SEPTIN14: variants seen among roughly 807,000 people sequenced by gnomAD.
The protein encoded by SEPTIN14 is septin-14.
Under a neutral mutation model 53.6 loss-of-function variants are expected in SEPTIN14, and 40 were observed. The ratio of observed to expected loss-of-function variants is 0.75; its 90% CI spans 0.58 to 0.97. The LOEUF (loss-of-function observed/expected upper bound fraction) is 0.97. SEPTIN14 is among the 50% of genes least tolerant of loss of function. The pLI is 0.00. For synonymous variants in SEPTIN14, 138 were observed against 166.8 expected (o/e 0.83, Z 1.33); for missense variants, 471 against 508.2 (o/e 0.93, Z 0.70).
At chr7:55,834,886 C>T (rs1290665271) in intron 5 of SEPTIN14, among the ~76,000 whole-genome samples, 1 of 152,096 alleles carries the variant, frequency 6.6e-6, no homozygotes, top group African/African-American at 2.4e-5. Flanking sequence ...ACCTCGTGAT[C>T]CGCCTGCCCC....
At position 55,805,291 on chromosome 7, in the gene SEPTIN14, C is replaced by T; in HGVS notation, c.1086G>A (p.Glu362=). 1 of 1,612,372 alleles carries T rather than the reference C, an allele frequency of 6.2e-7. No individual in the cohort carries two copies. The highest frequency in any genetic ancestry group is 1.3e-5 in the African/African-American group (1 of 74,964). The change falls in exon 9 of 10, where the codon GAG becomes GAA. Residue 362 remains glutamate (E), a synonymous_variant. Transcript: ENST00000388975. ...CAGCTTCTTTAAATGTTGCTTCTTT[C>T]TCCTTGACTCGCTGCATAAATCTCT... is the stretch of plus-strand genomic sequence containing the variant. ...LKQRFMQRVK[E]KEATFKEAEK...
intron 7 of SEPTIN14, among the ~76,000 whole-genome samples, chr7:55,809,412 A>G (rs866513612): frequency 3.9e-4 from 58 of 148,520 alleles, no homozygotes; most frequent in African/African-American, 1.4e-3. Flanking sequence ...CTGGAGTGCA[A>G]TGGCACGATC....
intron 7 of SEPTIN14, among the ~76,000 whole-genome samples, chr7:55,809,207 TA>T (rs1788655675): frequency 6.6e-6 from 1 of 151,484 alleles, no homozygotes; most frequent in African/African-American, 2.4e-5. Flanking sequence ...AGGAGATAAA[TA>T]TTGAGAACAC....
intron 6 of SEPTIN14, among the ~76,000 whole-genome samples, chr7:55,826,937 GC>G (rs1788999251): frequency 6.6e-6 from 1 of 152,122 alleles, no homozygotes; most frequent in African/African-American, 2.4e-5. Flanking sequence ...TTCTGCAGTT[GC>G]CTGAGCATTC....
intron 5 of SEPTIN14, among the ~76,000 whole-genome samples, chr7:55,838,158 T>C (rs1416151279): frequency 6.6e-6 from 1 of 152,222 alleles, no homozygotes; most frequent in Non-Finnish European, 1.5e-5. Flanking sequence ...TTTTGAGATT[T>C]TGCTGAAGCC....
At chr7:55,827,395 T>C (rs1789007814) in intron 6 of SEPTIN14, among the ~76,000 whole-genome samples, 1 of 152,206 alleles carries the variant, frequency 6.6e-6, no homozygotes, top group African/African-American at 2.4e-5. Context: ...TCAATGGCTC[T>C]TGGCTACGTT....
chr7:55,826,194 T>C (rs1405219039), intron 6 of SEPTIN14, among the ~76,000 whole-genome samples: 1 of 152,216 alleles, frequency 6.6e-6, no homozygotes, highest in African/African-American at 2.4e-5. Flanking sequence ...CATGTAGATC[T>C]ACTCTTTTAC....
chr7:55,819,153 C>T lies in SEPTIN14; in HGVS notation c.791G>A (p.Arg264His), dbSNP rs756494333. 29 of 1,585,022 alleles carry T rather than the reference C, an allele frequency of 1.8e-5. No homozygotes were observed. Among genetic ancestry groups the T allele is most frequent in the Non-Finnish European group, 2.3e-5 (27 of 1,164,380 alleles). Reference protein sequence around the residue: ...VKVGKRMVRGRHYPWGVLQVE... With the variant: ...VKVGKRMVRGHHYPWGVLQVE... The stretch of plus-strand genomic sequence containing the variant: ...TTGCAAAACTCCCCAAGGGTAGTGA[C>T]GGCCTCTGACCATCCTTTTTCCAAC... Residue 264 changes from arginine (R) to histidine (H), a missense_variant, in exon 7 of 10, where the codon CGT becomes CAT. Transcript: ENST00000388975.
At chr7:55,846,434 T>A in intron 3 of SEPTIN14, 83 bp downstream of exon 3, 1 of 913,706 alleles carries the variant, frequency 1.1e-6, no homozygotes, top group Non-Finnish European at 1.6e-6. Context: ...ATTAATAGCA[T>A]CAATGTTACA....
At chr7:55,802,663 A>G (rs940794728) in intron 9 of SEPTIN14, among the ~76,000 whole-genome samples, 1 of 152,166 alleles carries the variant, frequency 6.6e-6, no homozygotes, top group South Asian at 2.1e-4. Context: ...AAAATTAGGG[A>G]TAAGTTCCTT....
intron 6 of SEPTIN14, among the ~76,000 whole-genome samples, chr7:55,832,757 G>A (rs199624698): frequency 6.6e-6 from 1 of 152,096 alleles, no homozygotes; most frequent in East Asian, 1.9e-4. Context: ...GAGAGACTGG[G>A]AGGAGGCCGA....
chr7:55,810,603 C>T (rs1274953976), intron 7 of SEPTIN14, among the ~76,000 whole-genome samples: 2 of 151,638 alleles, frequency 1.3e-5, no homozygotes, highest in African/African-American at 2.4e-5. Flanking sequence ...GCCTCCCTCC[C>T]GAGTAGCTGG....
chr7:55,801,032 T>A (rs1280536102), intron 9 of SEPTIN14, among the ~76,000 whole-genome samples: 1 of 151,978 alleles, frequency 6.6e-6, no homozygotes, highest in Non-Finnish European at 1.5e-5. Flanking sequence ...AAAAACAACA[T>A]ATCAATAGTT....
At chr7:55,825,732 C>T (rs996863538) in intron 6 of SEPTIN14, among the ~76,000 whole-genome samples, 3 of 151,740 alleles carry the variant, frequency 2.0e-5, no homozygotes, top group African/African-American at 4.8e-5. Flanking sequence ...TTTGGGAGGC[C>T]GAGGCGGTTG....
At chr7:55,828,851 G>A (rs1320528190) in intron 6 of SEPTIN14, among the ~76,000 whole-genome samples, 2 of 152,116 alleles carry the variant, frequency 1.3e-5, no homozygotes, top group Admixed American at 1.3e-4. Context: ...CTCGTATCTG[G>A]ATGTGTACCT....
chr7:55,861,541 A>G (rs1282738910), intron 2 of SEPTIN14, among the ~76,000 whole-genome samples: 4 of 152,118 alleles, frequency 2.6e-5, no homozygotes, highest in African/African-American at 9.6e-5. Flanking sequence ...CACACTCAGT[A>G]AAGCAATCAG....
chr7:55,819,511 C>T (rs1788857221), intron 6 of SEPTIN14, among the ~76,000 whole-genome samples: 1 of 152,078 alleles, frequency 6.6e-6, no homozygotes, highest in African/African-American at 2.4e-5. Context: ...ATGGCGTGAA[C>T]CCGGAAGGTG....
chr7:55,830,425 C>T (rs1185965230), intron 6 of SEPTIN14, among the ~76,000 whole-genome samples: 1 of 144,416 alleles, frequency 6.9e-6, no homozygotes, highest in Non-Finnish European at 1.5e-5. Context: ...CCGCTCACTG[C>T]AAGCTCCGCC....
intron 7 of SEPTIN14, among the ~76,000 whole-genome samples, chr7:55,816,756 C>G (rs1426908786): frequency 6.6e-6 from 1 of 151,958 alleles, no homozygotes; most frequent in Non-Finnish European, 1.5e-5. Flanking sequence ...CAAGATCACA[C>G]CATTGCACTC....
Sources: allele counts gnomAD v4.1 joint callset (sites outside exome capture counted in the v4.1 genomes callset), GRCh38; gene constraint gnomAD v4.1.1; transcripts MANE v1.5; gene names NCBI Gene and HGNC (gene_info 2026-07-23, HGNC 2026-07-21).